CLNK: variants seen among roughly 807,000 people sequenced by gnomAD.
CLNK encodes the protein cytokine-dependent hematopoietic cell linker.
CLNK carries 74 observed loss-of-function variants against 68.6 expected under a neutral mutation model. The observed-to-expected ratio is 1.08, with a 90% CI of 0.89 to 1.31. The LOEUF (loss-of-function observed/expected upper bound fraction) is 1.31. Ranked by LOEUF, CLNK falls within the 50% of genes most tolerant of loss-of-function variation. The pLI is 0.00. For missense variants in CLNK, 553 were observed against 515.3 expected (o/e 1.07, Z -0.71); for synonymous variants, 198 against 172.2 (o/e 1.15, Z -1.17).
intron 17 of CLNK, among the ~76,000 whole-genome samples, chr4:10,501,825 G>T (rs1296430722): frequency 2.0e-5 from 3 of 152,240 alleles, no homozygotes; most frequent in Non-Finnish European, 4.4e-5. Context: ...TACTCAGGAG[G>T]CTGAGGCAGG....
At chr4:10,529,218 A>AT (rs1447333113) in intron 12 of CLNK, among the ~76,000 whole-genome samples, 2 of 152,200 alleles carry the variant, frequency 1.3e-5, no homozygotes, top group African/African-American at 4.8e-5. Flanking sequence ...GAAAAGCTAA[A>AT]TTTTTTTCTC....
intron 4 of CLNK, among the ~76,000 whole-genome samples, chr4:10,571,983 A>G (rs1720371407): frequency 6.6e-6 from 1 of 152,242 alleles, no homozygotes; most frequent in African/African-American, 2.4e-5. Context: ...GAAACAGGAG[A>G]AAAGGAAGCA....
intron 1 of CLNK, among the ~76,000 whole-genome samples, chr4:10,680,365 G>T (rs1389204199): frequency 9.8e-5 from 13 of 131,980 alleles, no homozygotes; most frequent in Admixed American, 9.8e-4. Context: ...TGGGGCCTGT[G>T]GTGGGTTGGG....
intron 12 of CLNK, among the ~76,000 whole-genome samples, chr4:10,532,000 A>C (rs1485057314): frequency 6.6e-6 from 1 of 152,256 alleles, no homozygotes; most frequent in Non-Finnish European, 1.5e-5. Flanking sequence ...TCCATGTGGA[A>C]CTGGGCACGT....
chr4:10,565,529 G>T (rs562630050), intron 6 of CLNK, among the ~76,000 whole-genome samples: 1 of 152,296 alleles, frequency 6.6e-6, no homozygotes, highest in African/African-American at 2.4e-5. Flanking sequence ...GCCATGCCCT[G>T]CTGACGCTCT....
At chr4:10,679,682 C>A (rs1725016197) in intron 1 of CLNK, among the ~76,000 whole-genome samples, 1 of 152,132 alleles carries the variant, frequency 6.6e-6, no homozygotes, top group Non-Finnish European at 1.5e-5. Context: ...AAAAAACAAA[C>A]AACCCCATCA....
intron 1 of CLNK, among the ~76,000 whole-genome samples, chr4:10,680,709 A>T (rs1224852226): frequency 6.6e-6 from 1 of 152,172 alleles, no homozygotes; most frequent in African/African-American, 2.4e-5. Flanking sequence ...CTCACCACAA[A>T]TTCGAGCAGT....
rs115415846 is a variant in CLNK, at chr4:10,652,443, G to A, written c.11+15416C>T. 4.2e-3 allele frequency among the ~76,000 whole-genome samples: 622 copies of A among 146,940 alleles called. 5 individuals carry two copies. The highest frequency in any genetic ancestry group is 0.014 in the African/African-American group (581 of 40,124). On this transcript the variant is annotated intron_variant, in intron 2 of 18. Coordinates refer to ENST00000226951, the MANE Select transcript of CLNK (RefSeq NM_052964.4). Reference sequence around the variant, plus strand: ...TCTGTTTCACTAGATTAAAAATTCTGTATGTTTTTTATAAGATATATACCA... The same window carrying A: ...TCTGTTTCACTAGATTAAAAATTCTATATGTTTTTTATAAGATATATACCA...
At chr4:10,559,848 A>G (rs1403678046) in intron 7 of CLNK, among the ~76,000 whole-genome samples, 1 of 152,210 alleles carries the variant, frequency 6.6e-6, no homozygotes, top group Non-Finnish European at 1.5e-5. Flanking sequence ...TCACAGGTAC[A>G]TTGTAACAGA....
the CLNK span, among the ~76,000 whole-genome samples, chr4:10,692,944 G>A: frequency 6.6e-6 from 1 of 152,218 alleles, no homozygotes; most frequent in East Asian, 1.9e-4. Flanking sequence ...CTTAGATCAA[G>A]GTATGGCTCC....
intron 7 of CLNK, 100 bp from the exon 8 acceptor site, chr4:10,558,552 G>A (rs901313712): frequency 5.8e-5 from 64 of 1,101,866 alleles, no homozygotes; most frequent in South Asian, 1.3e-4. Context: ...GGATAAAGCC[G>A]TAAGTCCCTG....
At chr4:10,668,222 A>G (rs529775177) in intron 1 of CLNK, among the ~76,000 whole-genome samples, 4 of 152,322 alleles carry the variant, frequency 2.6e-5, no homozygotes, top group Admixed American at 2.0e-4. Context: ...CACCGAGGGC[A>G]CGTTAGCCAG....
intron 17 of CLNK, among the ~76,000 whole-genome samples, chr4:10,503,382 G>T (rs937135953): frequency 6.6e-6 from 1 of 151,194 alleles, no homozygotes; most frequent in African/African-American, 2.4e-5. Flanking sequence ...GAATCGCTTG[G>T]ACCCAGGAGG....
chr4:10,716,479 G>C, the CLNK span, among the ~76,000 whole-genome samples: 1 of 152,088 alleles, frequency 6.6e-6, no homozygotes, highest in African/African-American at 2.4e-5. Context: ...TGGGGAGAAG[G>C]TGACAGACTG....
Position 10,487,980 on chromosome 4 carries a change from C to G in CLNK, c.*2487G>C, listed in dbSNP as rs1294272945. ...TGTCTGAGTTCTAGAAAACCCGACA[C>G]CCAATCCCTCAAACCCCAATCACCA... On this transcript the variant is annotated 3_prime_UTR_variant, in exon 19 of 19. Coordinates refer to ENST00000226951, the MANE Select transcript of CLNK (RefSeq NM_052964.4). The G allele has an allele frequency of 2.0e-5, 3 of 152,302 alleles. No individual in the cohort carries two copies. Among genetic ancestry groups the G allele is most frequent in the Middle Eastern group, 3.4e-3 (1 of 294 alleles). The allele number at this position is 152,302 out of a possible 1,614,324, so 9.4% of individuals were successfully genotyped here.
At chr4:10,631,791 A>T (rs1722900430) in intron 2 of CLNK, among the ~76,000 whole-genome samples, 1 of 152,266 alleles carries the variant, frequency 6.6e-6, no homozygotes. Flanking sequence ...CAACTCTATG[A>T]CATAGAAGTT....
At position 10,667,069 on chromosome 4, in the gene CLNK, G is replaced by A. The variant is rs190318380; in HGVS notation, c.11+790C>T. On this transcript the variant is annotated intron_variant, in intron 2 of 18. Coordinates refer to ENST00000226951, the MANE Select transcript of CLNK (RefSeq NM_052964.4). ...CAGATTCTGCTTTTCAAAGGGTTAAGGAACTTCTTGCATATCCAGAGGGTA... is the reference window on the plus strand; with the variant it reads ...CAGATTCTGCTTTTCAAAGGGTTAAAGAACTTCTTGCATATCCAGAGGGTA... Among the ~76,000 whole-genome samples, 430 of 152,240 alleles carry A rather than the reference G, an allele frequency of 2.8e-3. 5 individuals are homozygous for A. Among genetic ancestry groups the A allele is most frequent in the Non-Finnish European group, 2.2e-3 (151 of 68,012 alleles).
rs528276005 is a variant in CLNK, at chr4:10,558,394, A to G, written c.445+13T>C. ...CATACTTACATTTTAAACTTCGATT[A>G]ACATGACTTTACCTTTAATGTTTTG... On this transcript the variant is annotated intron_variant, in intron 8 of 18. Coordinates refer to ENST00000226951, the MANE Select transcript of CLNK (RefSeq NM_052964.4). The G allele has an allele frequency of 6.2e-7, 1 of 1,612,904 alleles. No individual in the cohort carries two copies. Among genetic ancestry groups the G allele is most frequent in the South Asian group, 1.1e-5 (1 of 91,028 alleles).
intron 2 of CLNK, among the ~76,000 whole-genome samples, chr4:10,631,081 G>T (rs1722872329): frequency 1.4e-5 from 2 of 145,252 alleles, no homozygotes; most frequent in Non-Finnish European, 3.2e-5. Flanking sequence ...GGATCCACTT[G>T]CATAGCTTAA....
Sources: allele counts gnomAD v4.1 joint callset (sites outside exome capture counted in the v4.1 genomes callset), GRCh38; gene constraint gnomAD v4.1.1; transcripts MANE v1.5; gene names NCBI Gene and HGNC (gene_info 2026-07-23, HGNC 2026-07-21).